Variants in CSMD2 observed in about 807,000 individuals in gnomAD.
CSMD2 encodes the protein CUB and Sushi multiple domains 2, also known as CUB and sushi domain-containing protein 2.
A neutral mutation model predicts 398.5 loss-of-function variants in CSMD2; 130 were observed. The ratio of observed to expected loss-of-function variants is 0.33; its 90% CI spans 0.28 to 0.38. The LOEUF (loss-of-function observed/expected upper bound fraction) is 0.38, where lower values mean the gene tolerates loss of function less well. CSMD2 is among the 10% of genes least tolerant of loss of function. The pLI, the probability that CSMD2 is intolerant of heterozygous loss-of-function variation, is 1.00. For synonymous variants in CSMD2, 1,828 were observed against 1,908.5 expected (o/e 0.96, Z 1.10); for missense variants, 3,829 against 4,764.9 (o/e 0.80, Z 5.78).
chr1:34,077,285 G>A (rs1247160556), intron 2 of CSMD2, among the ~76,000 whole-genome samples: 2 of 150,894 alleles, frequency 1.3e-5, no homozygotes, highest in African/African-American at 2.4e-5. Flanking sequence ...GTGAATCCCC[G>A]TCTCTACTAA....
At chr1:33,982,145 CA>C (rs1399764294) in intron 3 of CSMD2, among the ~76,000 whole-genome samples, 1 of 152,058 alleles carries the variant, frequency 6.6e-6, no homozygotes, top group Non-Finnish European at 1.5e-5. Context: ...ATTCAGAAGG[CA>C]AACAGAAGTG....
intron 5 of CSMD2, among the ~76,000 whole-genome samples, chr1:33,894,917 T>G (rs969734925): frequency 3.9e-5 from 6 of 152,236 alleles, no homozygotes; most frequent in Admixed American, 3.9e-4. Context: ...GGGTCCCAAA[T>G]CCTTTTCCCC....
chr1:33,578,370 G>A (rs1230996238), intron 48 of CSMD2, among the ~76,000 whole-genome samples: 1 of 152,172 alleles, frequency 6.6e-6, no homozygotes, highest in Non-Finnish European at 1.5e-5. Flanking sequence ...TTGAGGCCAG[G>A]AGTTCAAGAC....
rs1392691498 is a variant in CSMD2, at chr1:34,163,640, TCAAAACAAAA to T, written c.187+1261_187+1270del. ...GCCTTCAGAGGTTCAATCGGTGGTTTCAAAACAAAACAAAACAAAACAAAAACAAAAACAA... is the reference window on the plus strand; with the variant it reads ...GCCTTCAGAGGTTCAATCGGTGGTTTCAAAACAAAACAAAAACAAAAACAA... On this transcript the variant is annotated intron_variant, in intron 1 of 70. Transcript: ENST00000373381. This position sits in a 1 kb window ranked among gnomAD's most constrained non-coding sequence, Gnocchi z 5.4. Among the ~76,000 whole-genome samples, 31 of 151,524 alleles carry T rather than the reference TCAAAACAAAA, an allele frequency of 2.0e-4. No individual in the cohort carries two copies. The highest frequency in any genetic ancestry group is 1.6e-3 in the Admixed American group (24 of 15,240).
At chr1:34,161,707 G>A (rs1460359116) in intron 1 of CSMD2, among the ~76,000 whole-genome samples, 1 of 152,148 alleles carries the variant, frequency 6.6e-6, no homozygotes, top group Non-Finnish European at 1.5e-5. Context: ...TTGAAGTAAG[G>A]AGTGACGGGT....
chr1:33,818,292 C>T (rs112817908), intron 9 of CSMD2, among the ~76,000 whole-genome samples: 10 of 152,294 alleles, frequency 6.6e-5, no homozygotes, highest in South Asian at 2.1e-4. Flanking sequence ...TTCATTCCGT[C>T]ATCCATTCAA....
chr1:33,785,265 C>T (rs902641447), intron 12 of CSMD2, among the ~76,000 whole-genome samples: 1 of 152,254 alleles, frequency 6.6e-6, no homozygotes, highest in Non-Finnish European at 1.5e-5. Flanking sequence ...ACTAACTCCC[C>T]AACCTCTGGT....
intron 3 of CSMD2, among the ~76,000 whole-genome samples, chr1:33,957,768 G>A (rs755757065): frequency 2.6e-5 from 4 of 152,170 alleles, no homozygotes; most frequent in African/African-American, 7.2e-5. Context: ...ACTGAAGACC[G>A]ACAGCACCAT....
chr1:33,777,417 C>T (rs1329257853), intron 12 of CSMD2, among the ~76,000 whole-genome samples: 2 of 152,138 alleles, frequency 1.3e-5, no homozygotes, highest in South Asian at 2.1e-4. Context: ...AGCCTTCTCT[C>T]CAAGCTCAGA....
chr1:33,822,361 G>A (rs1334657545), intron 7 of CSMD2, among the ~76,000 whole-genome samples: 1 of 152,156 alleles, frequency 6.6e-6, no homozygotes, highest in Non-Finnish European at 1.5e-5. Flanking sequence ...TGGGGAGCTC[G>A]TTTTAGACTC....
At chr1:33,685,129 CTCT>C (rs768355865) in intron 25 of CSMD2, among the ~76,000 whole-genome samples, 13 of 152,182 alleles carry the variant, frequency 8.5e-5, no homozygotes, top group Non-Finnish European at 1.6e-4. Context: ...TTCCTCTTCC[CTCT>C]TCTTTTAGAC....
intron 22 of CSMD2, among the ~76,000 whole-genome samples, chr1:33,702,234 A>AC (rs1645634793): frequency 6.6e-6 from 1 of 152,224 alleles, no homozygotes. Flanking sequence ...TAATGTGTGG[A>AC]CCTTATTGAA....
intron 6 of CSMD2, among the ~76,000 whole-genome samples, chr1:33,843,152 A>C (rs1557990081): frequency 6.6e-6 from 1 of 152,210 alleles, no homozygotes; most frequent in Non-Finnish European, 1.5e-5. Context: ...TCTCCTTAAG[A>C]GCAGAGATTG....
At chr1:33,557,540 C>T (rs1022014982) in intron 55 of CSMD2, among the ~76,000 whole-genome samples, 194 bp downstream of exon 55, 2 of 152,000 alleles carry the variant, frequency 1.3e-5, no homozygotes, top group Non-Finnish European at 2.9e-5. Flanking sequence ...AGTCACCCAA[C>T]AGAGGCTCAA....
At chr1:34,028,556 C>T (rs1489575298) in intron 3 of CSMD2, among the ~76,000 whole-genome samples, 2 of 152,142 alleles carry the variant, frequency 1.3e-5, no homozygotes. Context: ...GTTTACCTGC[C>T]TGTGAAATGG....
intron 2 of CSMD2, among the ~76,000 whole-genome samples, chr1:34,088,440 G>C (rs1314541042): frequency 6.6e-6 from 1 of 152,158 alleles, no homozygotes; most frequent in African/African-American, 2.4e-5. Context: ...CAGCTCAGGG[G>C]TACAGGAAGC....
At chr1:34,063,875 A>G (rs1223862672) in intron 2 of CSMD2, among the ~76,000 whole-genome samples, 1 of 152,244 alleles carries the variant, frequency 6.6e-6, no homozygotes, top group African/African-American at 2.4e-5. Context: ...ATTTGGATAC[A>G]TCTGAAATGA....
chr1:33,676,404 G>T (rs1644712477), intron 25 of CSMD2, among the ~76,000 whole-genome samples: 1 of 152,186 alleles, frequency 6.6e-6, no homozygotes, highest in Non-Finnish European at 1.5e-5. Flanking sequence ...ACTTACAAGG[G>T]ATGTGAAGGA....
chr1:33,920,737 G>T (rs1643909157), intron 4 of CSMD2, among the ~76,000 whole-genome samples: 1 of 152,084 alleles, frequency 6.6e-6, no homozygotes, highest in South Asian at 2.1e-4. Flanking sequence ...GTATTAACAG[G>T]ATCCCTTGGG....
Sources: allele counts gnomAD v4.1 joint callset (sites outside exome capture counted in the v4.1 genomes callset), GRCh38; gene constraint gnomAD v4.1.1; non-coding constraint Gnocchi (gnomAD v3.1); transcripts MANE v1.5; gene names NCBI Gene and HGNC (gene_info 2026-07-23, HGNC 2026-07-21).